The following AHCYL1 variants were observed in gnomAD, a reference collection of about 807,000 sequenced individuals.
AHCYL1 encodes adenosylhomocysteinase like 1.
Under a neutral mutation model 79.3 loss-of-function variants are expected in AHCYL1, and 20 were observed. The observed-to-expected ratio is 0.25, with a 90% confidence interval of 0.18 to 0.37. The LOEUF (loss-of-function observed/expected upper bound fraction) is 0.37. AHCYL1 is among the 10% of genes least tolerant of loss of function. AHCYL1 has a pLI of 1.00. For synonymous variants in AHCYL1, 223 were observed against 242.2 expected (o/e 0.92, Z 0.74); for missense variants, 330 against 673.6 (o/e 0.49, Z 5.65).
Position 110,016,242 on chromosome 1 carries a change from G to A in AHCYL1, c.783-102G>A. On this transcript the variant is annotated intron_variant, in intron 7 of 16. Coordinates refer to ENST00000369799, the MANE Select transcript of AHCYL1 (RefSeq NM_006621.7). ...TTGGGCAATAAATGAGACTGGGAAG[G>A]GCAGCATGGAACTTGAAGAGAATTA... The A allele has an allele frequency of 4.2e-6, 3 of 722,442 alleles. No individual in the cohort carries two copies. In the South Asian group the frequency reaches 5.5e-5, roughly 13 times the overall value. 44.8% of individuals were successfully genotyped at this position (722,442 alleles called of 1,614,324 possible).
intron 1 of AHCYL1, among the ~76,000 whole-genome samples, chr1:109,997,238 C>G (rs1650078451): frequency 6.6e-6 from 1 of 152,122 alleles, no homozygotes. Flanking sequence ...GTTATGAATT[C>G]CTAGACTGAG....
At chr1:109,986,759 C>T (rs538829453) in intron 1 of AHCYL1, among the ~76,000 whole-genome samples, 1 of 152,278 alleles carries the variant, frequency 6.6e-6, no homozygotes, top group East Asian at 1.9e-4. Flanking sequence ...ATTGTAAAAA[C>T]TCATTAAGGC....
intron 11 of AHCYL1, 33 bp from the exon 12 acceptor site, chr1:110,018,340 T>A (rs1397674494): frequency 1.2e-6 from 2 of 1,606,350 alleles, no homozygotes; most frequent in South Asian, 2.2e-5. Context: ...TTGCCCGGCA[T>A]CTCTTTCCTT....
intron 4 of AHCYL1, 143 bp from the exon 5 acceptor site, chr1:110,012,754 C>T (rs1651121770): frequency 6.8e-6 from 4 of 591,662 alleles, no homozygotes; most frequent in Non-Finnish European, 1.1e-5. Context: ...TGCACCACCT[C>T]GCTGGAGTAC....
chr1:110,022,010 T>C lies in AHCYL1; in HGVS notation c.*330T>C. On this transcript the variant is annotated 3_prime_UTR_variant, in exon 17 of 17. Transcript: ENST00000369799. ...TATTAACAGGAAATGCTAAGGTACC[T>C]TCTCTGTGGAACAATCTGCAATGTC... The C allele has an allele frequency of 7.5e-6, 2 of 264,976 alleles. No homozygotes were observed. Among genetic ancestry groups the C allele is most frequent in the Non-Finnish European group, 7.1e-6 (1 of 140,808 alleles). 16.4% of individuals were successfully genotyped at this position (264,976 alleles called of 1,614,324 possible).
At position 110,023,097 on chromosome 1, in the gene AHCYL1, C is replaced by T. The variant is rs556041618; in HGVS notation, c.*1417C>T. On this transcript the variant is annotated 3_prime_UTR_variant, in exon 17 of 17. Coordinates refer to ENST00000369799, the MANE Select transcript of AHCYL1 (RefSeq NM_006621.7). ...ATATAATTATCCAGGATTTTAAATC[C>T]TCAACTTGTTCTAGCTTGTGATCCC... 3.9e-5 allele frequency: 6 copies of T among 152,672 alleles called. No homozygotes were observed. In the East Asian group the frequency reaches 9.7e-4, roughly 25 times the overall value. The allele number at this position is 152,672 out of a possible 1,614,324, so 9.5% of individuals were successfully genotyped here. A position where few individuals can be genotyped will look rare whatever the true frequency, so the allele number is the denominator to read the frequency against.
chr1:109,994,486 A>C (rs1370169050), intron 1 of AHCYL1, among the ~76,000 whole-genome samples: 1 of 151,970 alleles, frequency 6.6e-6, no homozygotes, highest in Non-Finnish European at 1.5e-5. Context: ...ATGGGATTTC[A>C]TCATGTTGGT....
intron 6 of AHCYL1, among the ~76,000 whole-genome samples, 197 bp downstream of exon 6, chr1:110,015,054 C>G (rs1295310295): frequency 6.6e-6 from 1 of 152,146 alleles, no homozygotes; most frequent in Non-Finnish European, 1.5e-5. Flanking sequence ...ACTAGCTGAA[C>G]ACATGGCTCA....
Position 110,019,706 on chromosome 1 carries a change from G to A in AHCYL1, c.1465+80G>A. 4 of 1,366,200 alleles carry A rather than the reference G, an allele frequency of 2.9e-6. No homozygotes were observed. In the South Asian group the frequency reaches 4.0e-5, roughly 14 times the overall value. The allele number at this position is 1,366,200 out of a possible 1,614,324, so 84.6% of individuals were successfully genotyped here. ...ACTGCCATGAAAGGCATTGGATTTA[G>A]AGTCAGAGTTCCAATTCCTGTTCCT... is the stretch of plus-strand genomic sequence containing the variant. On this transcript the variant is annotated intron_variant, in intron 15 of 16. Transcript: ENST00000369799.
rs368415297 is a variant in AHCYL1 at position 110,000,438 on chromosome 1, T to C, written c.121-8596T>C. 2.0e-5 allele frequency among the ~76,000 whole-genome samples: 3 copies of C among 152,226 alleles called. No individual in the cohort carries two copies. The East Asian group carries it at 5.8e-4, about 29-fold the overall frequency. The stretch of plus-strand genomic sequence containing the variant: ...TGCTATTACTGGGCTCTCCTCACCC[T>C]TTCCAGATCTATGGAGCAGTACTTT... On this transcript the variant is annotated intron_variant, in intron 1 of 16. Coordinates refer to ENST00000369799, the MANE Select transcript of AHCYL1 (RefSeq NM_006621.7).
chr1:110,020,727 C>T lies in AHCYL1; in HGVS notation c.1466-4C>T, dbSNP rs967937229. On this transcript the variant is annotated splice_region_variant and splice_polypyrimidine_tract_variant and intron_variant, in intron 15 of 16. Transcript: ENST00000369799. ...CTGCTCTCCTGCCACTTTGCTCTTC[C>T]TAGATGAATACGTTGCCAGCTTGCA... 1 of 1,609,820 alleles carries T rather than the reference C, an allele frequency of 6.2e-7. No homozygotes were observed. Among genetic ancestry groups the T allele is most frequent in the Admixed American group, 1.7e-5 (1 of 59,190 alleles).
At chr1:110,009,476 TAAAAA>T (rs1259192713) in intron 2 of AHCYL1, among the ~76,000 whole-genome samples, 1 of 152,234 alleles carries the variant, frequency 6.6e-6, no homozygotes, top group Non-Finnish European at 1.5e-5. Context: ...GAATTGGACT[TAAAAA>T]AGAAGTGCAT....
At position 109,985,047 on chromosome 1, in the gene AHCYL1, CG is replaced by C; in HGVS notation, c.-2del. 3.2e-6 allele frequency: 5 copies of C among 1,571,624 alleles called. No homozygotes were observed. Among genetic ancestry groups the C allele is most frequent in the Non-Finnish European group, 4.3e-6 (5 of 1,161,280 alleles). On this transcript the variant is annotated 5_prime_UTR_variant, in exon 1 of 17. Transcript: ENST00000369799. ...CGGGTCAGCCGCTGGCCGGGCCGGCCGGGGAATGTCGATGCCTGACGCGATG... is the reference window on the plus strand; with the variant it reads ...CGGGTCAGCCGCTGGCCGGGCCGGCCGGGAATGTCGATGCCTGACGCGATG...
At chr1:109,993,010 A>G (rs1319846312) in intron 1 of AHCYL1, among the ~76,000 whole-genome samples, 1 of 152,188 alleles carries the variant, frequency 6.6e-6, no homozygotes, top group Non-Finnish European at 1.5e-5. Flanking sequence ...GGTTGTTGGC[A>G]TTGTCAGCTC....
chr1:109,984,839 C>G lies in AHCYL1; in HGVS notation c.-214C>G, dbSNP rs962477507. 4 of 629,414 alleles carry G rather than the reference C, an allele frequency of 6.4e-6. No homozygotes were observed. Among genetic ancestry groups the G allele is most frequent in the East Asian group, 8.6e-5 (2 of 23,190 alleles). The allele number at this position is 629,414 out of a possible 1,614,324, so 39.0% of individuals were successfully genotyped here. On this transcript the variant is annotated 5_prime_UTR_variant, in exon 1 of 17. Transcript: ENST00000369799. ...GGAGCTCGGAGCTGCTGTTCTGGTT[C>G]TCTTGTGGCCGCCGTCGCTGTCCGG...
chr1:110,006,775 C>T (rs1557767720), intron 1 of AHCYL1, among the ~76,000 whole-genome samples: 2 of 152,280 alleles, frequency 1.3e-5, no homozygotes, highest in East Asian at 1.9e-4. Flanking sequence ...AAGAAAAGAC[C>T]AGGTTTTCAT....
intron 5 of AHCYL1, among the ~76,000 whole-genome samples, chr1:110,014,473 G>T (rs1479633564): frequency 6.6e-6 from 1 of 152,200 alleles, no homozygotes; most frequent in African/African-American, 2.4e-5. Context: ...TAATGCTCCA[G>T]TTAACAACTT....
intron 1 of AHCYL1, among the ~76,000 whole-genome samples, chr1:109,998,240 G>T (rs905696502): frequency 1.4e-4 from 21 of 152,226 alleles, no homozygotes; most frequent in African/African-American, 4.8e-4. Context: ...GGACTGTTTT[G>T]CAGTTGTATT....
In AHCYL1 at chr1:110,012,930, C is replaced by G. The variant is rs766459959; in HGVS notation, c.511C>G (p.Gln171Glu). Residue 171 changes from glutamine (Q) to glutamate (E), a missense_variant, in exon 5 of 17, where the codon CAG becomes GAG. Coordinates refer to ENST00000369799, the MANE Select transcript of AHCYL1 (RefSeq NM_006621.7). ...LIETLCALGA[Q>E]CRWSACNIYS... is the part of the protein sequence containing the mutation. Reference sequence around the variant, plus strand: ...TGAGACACTCTGTGCCCTGGGGGCTCAGTGCCGCTGGTCTGCTTGTAACAT... The same window carrying G: ...TGAGACACTCTGTGCCCTGGGGGCTGAGTGCCGCTGGTCTGCTTGTAACAT... 12 of 1,612,906 alleles carry G rather than the reference C, an allele frequency of 7.4e-6. No individual in the cohort carries two copies. The South Asian group carries it at 1.1e-4, about 15-fold the overall frequency.
Sources: allele counts gnomAD v4.1 joint callset (sites outside exome capture counted in the v4.1 genomes callset), GRCh38; gene constraint gnomAD v4.1.1; transcripts MANE v1.5; gene names NCBI Gene and HGNC (gene_info 2026-07-23, HGNC 2026-07-21).